Variants in DACH1 observed in about 807,000 individuals in gnomAD.
The protein encoded by DACH1 is dachshund homolog 1.
DACH1 carries 12 observed loss-of-function variants against 54.2 expected under a neutral mutation model. The ratio of observed to expected loss-of-function variants is 0.22; its 90% CI spans 0.14 to 0.36. DACH1 has a LOEUF of 0.36. DACH1 is among the 10% of genes least tolerant of loss of function. The pLI, the probability that DACH1 is intolerant of heterozygous loss-of-function variation, is 1.00. For missense variants in DACH1, 805 were observed against 929.8 expected, an observed-to-expected ratio of 0.87 and a Z score of 1.75; for synonymous variants, 386 against 366.2, an observed-to-expected ratio of 1.05 and a Z score of -0.62.
At chr13:71,621,111 A>T (rs998473219) in intron 3 of DACH1, among the ~76,000 whole-genome samples, 1 of 151,910 alleles carries the variant, frequency 6.6e-6, no homozygotes. Flanking sequence ...AATGTATATA[A>T]CTGGACACAC....
chr13:71,449,696 T>C (rs954755715), intron 10 of DACH1, among the ~76,000 whole-genome samples: 6 of 152,112 alleles, frequency 3.9e-5, no homozygotes, highest in Non-Finnish European at 8.8e-5. Context: ...TAAACGAATT[T>C]ATTGCATCAT....
intron 1 of DACH1, among the ~76,000 whole-genome samples, chr13:71,699,364 T>C (rs974882985): frequency 6.6e-6 from 1 of 152,224 alleles, no homozygotes. Context: ...TTGTATTTCA[T>C]TTTTTGGTAA....
chr13:71,675,419 C>G, intron 2 of DACH1: 1 of 1,451,764 alleles, frequency 6.9e-7, no homozygotes, highest in Non-Finnish European at 9.5e-7. Context: ...AAACGTGTAA[C>G]AATTATGCCA....
At chr13:71,630,471 A>T (rs1248264532) in intron 3 of DACH1, 85 bp downstream of exon 3, 8 of 1,449,934 alleles carry the variant, frequency 5.5e-6, no homozygotes, top group Non-Finnish European at 6.3e-6. Flanking sequence ...TTGAATGGGT[A>T]GCCAACAGTT....
rs9599871 is a variant in DACH1, at chr13:71,654,468, A to G, written c.965-23751T>C. 5.5e-3 allele frequency among the ~76,000 whole-genome samples: 572 copies of G among 103,854 alleles called. 5 individuals carry two copies. Among genetic ancestry groups the G allele is most frequent in the African/African-American group, 0.016 (261 of 16,082 alleles). The allele number at this position is 103,854 out of a possible 152,430, so 68.1% of individuals were successfully genotyped here. A position where few individuals can be genotyped will look rare whatever the true frequency, so the allele number is the denominator to read the frequency against. ...ATAAAATAAAATAAAGTAAAATAAAATAAAATAAAATAAAATAAAATAAAA... is the reference window on the plus strand; with the variant it reads ...ATAAAATAAAATAAAGTAAAATAAAGTAAAATAAAATAAAATAAAATAAAA... On this transcript the variant is annotated intron_variant, in intron 2 of 10. Coordinates refer to ENST00000613252, the MANE Select transcript of DACH1 (RefSeq NM_080759.6).
chr13:71,712,840 T>A (rs1030641152), intron 1 of DACH1, among the ~76,000 whole-genome samples: 5 of 152,108 alleles, frequency 3.3e-5, no homozygotes, highest in Non-Finnish European at 7.4e-5. Context: ...CATATTTCAC[T>A]AATGGAAAAT....
intron 6 of DACH1, among the ~76,000 whole-genome samples, chr13:71,504,909 A>T (rs776019364): frequency 2.0e-5 from 3 of 152,170 alleles, no homozygotes; most frequent in Non-Finnish European, 4.4e-5. Context: ...CTATACCTTG[A>T]ATGGTGCCTG....
intron 1 of DACH1, among the ~76,000 whole-genome samples, chr13:71,717,452 T>C (rs1883026470): frequency 6.6e-6 from 1 of 151,310 alleles, no homozygotes; most frequent in African/African-American, 2.4e-5. Flanking sequence ...ATTGATTAGT[T>C]TGCTAAGGTG....
chr13:71,440,414 T>TAAGA lies in DACH1; in HGVS notation c.*237_*240dup. The TAAGA allele has an allele frequency of 2.3e-6, 1 of 431,310 alleles. No individual in the cohort carries two copies. Among genetic ancestry groups the TAAGA allele is most frequent in the Non-Finnish European group, 4.1e-6 (1 of 244,046 alleles). The allele number at this position is 431,310 out of a possible 1,614,324, so 26.7% of individuals were successfully genotyped here. On this transcript the variant is annotated 3_prime_UTR_variant, in exon 11 of 11. Transcript: ENST00000613252. ...AGCAGCAAGTTGCAGTAATTAACTG[T>TAAGA]AAGAACTTTGATACTTGTACATTTA...
intron 10 of DACH1, among the ~76,000 whole-genome samples, chr13:71,471,825 A>G (rs1223442065): frequency 6.6e-6 from 1 of 152,198 alleles, no homozygotes; most frequent in South Asian, 2.1e-4. Context: ...GAGAAGGAAT[A>G]AAATAAGATG....
intron 6 of DACH1, among the ~76,000 whole-genome samples, chr13:71,534,390 ATATT>A (rs1234271971): frequency 2.0e-5 from 3 of 152,036 alleles, no homozygotes; most frequent in Admixed American, 6.6e-5. Context: ...ATTTAATTGC[ATATT>A]TACTTTGTTA....
intron 10 of DACH1, among the ~76,000 whole-genome samples, chr13:71,459,894 C>A (rs1020738657): frequency 1.3e-5 from 2 of 151,940 alleles, no homozygotes. Flanking sequence ...TAAAACTTCA[C>A]CCTTTTGTTG....
intron 6 of DACH1, among the ~76,000 whole-genome samples, chr13:71,510,261 T>A (rs1455745309): frequency 6.6e-6 from 1 of 152,002 alleles, no homozygotes; most frequent in African/African-American, 2.4e-5. Context: ...CCTCTAATGA[T>A]CTCATTCAGA....
intron 1 of DACH1, among the ~76,000 whole-genome samples, chr13:71,810,790 C>T (rs747367364): frequency 7.9e-5 from 12 of 152,128 alleles, no homozygotes; most frequent in South Asian, 2.1e-4. Flanking sequence ...AATTAAACTA[C>T]ACTTGTCAAA....
chr13:71,460,750 T>A (rs2138138619), intron 10 of DACH1, among the ~76,000 whole-genome samples: 1 of 152,162 alleles, frequency 6.6e-6, no homozygotes, highest in East Asian at 1.9e-4. Flanking sequence ...CAATAAAATA[T>A]CTATGAATAA....
At chr13:71,662,764 T>G (rs1259117280) in intron 2 of DACH1, among the ~76,000 whole-genome samples, 1 of 151,990 alleles carries the variant, frequency 6.6e-6, no homozygotes, top group East Asian at 1.9e-4. Context: ...AAGTTTTGAG[T>G]TGAATCATAC....
intron 8 of DACH1, among the ~76,000 whole-genome samples, chr13:71,478,400 C>A (rs574881943): frequency 4.6e-5 from 7 of 152,066 alleles, no homozygotes; most frequent in Non-Finnish European, 1.0e-4. Flanking sequence ...ATGACCATTT[C>A]AAACATATAA....
intron 1 of DACH1, among the ~76,000 whole-genome samples, chr13:71,777,451 G>A (rs992255478): frequency 6.6e-6 from 1 of 152,072 alleles, no homozygotes; most frequent in African/African-American, 2.4e-5. Flanking sequence ...CATCGTTGAT[G>A]CTAATCAAAC....
chr13:71,833,725 T>G (rs1888676490), intron 1 of DACH1, among the ~76,000 whole-genome samples: 1 of 152,030 alleles, frequency 6.6e-6, no homozygotes, highest in Non-Finnish European at 1.5e-5. Flanking sequence ...TTAAAGACCT[T>G]CGACAGTGTC....
Sources: gnomAD v4.1 joint callset for allele counts (sites outside exome capture counted in the v4.1 genomes callset) on GRCh38, gnomAD v4.1.1 for gene constraint, MANE v1.5 for transcripts, NCBI Gene and HGNC (gene_info 2026-07-23, HGNC 2026-07-21) for gene names.